ARHGAP31: variants seen among roughly 807,000 people sequenced by gnomAD.
ARHGAP31 encodes rho GTPase-activating protein 31.
Under a neutral mutation model 113.9 loss-of-function variants are expected in ARHGAP31, and 34 were observed. The observed-to-expected ratio is 0.30, with a 90% CI of 0.23 to 0.40. ARHGAP31 has a LOEUF of 0.40. ARHGAP31 is among the 10% of genes least tolerant of loss of function. The pLI, the probability that ARHGAP31 is intolerant of heterozygous loss-of-function variation, is 1.00. For synonymous variants in ARHGAP31, 650 were observed against 684.8 expected (o/e 0.95, Z 0.79); for missense variants, 1,548 against 1,767.1 (o/e 0.88, Z 2.22).
chr3:119,348,067 G>A (rs548138934), intron 1 of ARHGAP31, among the ~76,000 whole-genome samples: 28 of 152,248 alleles, frequency 1.8e-4, no homozygotes, highest in Middle Eastern at 6.8e-3. Flanking sequence ...GGTGACTGGC[G>A]GGCGAGCCAG....
chr3:119,397,869 C>A (rs926038713), intron 8 of ARHGAP31, among the ~76,000 whole-genome samples: 24 of 152,254 alleles, frequency 1.6e-4, no homozygotes, highest in African/African-American at 5.8e-4. Context: ...GCAGCAACAA[C>A]AATCAATAAT....
rs2080391088 is a variant in ARHGAP31, at chr3:119,380,917, A to G, written c.362A>G (p.His121Arg). Residue 121 changes from histidine to arginine, a missense_variant, in exon 4 of 12, where the codon CAT becomes CGT. By Grantham distance (29) the His-to-Arg change is conservative. Transcript: ENST00000264245. ...TCTTCTCCACAGGAGGCAGTGTCGC[A>G]TTGCCCTGAAGAAGGCCAACTGGCC... The part of the protein sequence containing the change: ...LYEKFTEAVS[H>R]CPEEGQLARI... 3.1e-6 allele frequency: 5 copies of G among 1,614,018 alleles called. No homozygotes were observed. The highest frequency in any genetic ancestry group is 4.2e-6 in the Non-Finnish European group (5 of 1,179,992).
At chr3:119,357,567 A>C (rs1178752279) in intron 1 of ARHGAP31, among the ~76,000 whole-genome samples, 1 of 152,250 alleles carries the variant, frequency 6.6e-6, no homozygotes. Context: ...GGAACTAAAG[A>C]GAAAACAGAA....
chr3:119,352,794 AT>A (rs1394851254), intron 1 of ARHGAP31, among the ~76,000 whole-genome samples: 1 of 152,184 alleles, frequency 6.6e-6, no homozygotes, highest in Non-Finnish European at 1.5e-5. Context: ...TTTTAGAAAG[AT>A]TTATCTGGAA....
chr3:119,390,622 C>T (rs1014908698), intron 6 of ARHGAP31, among the ~76,000 whole-genome samples, 163 bp from the exon 7 acceptor site: 11 of 152,204 alleles, frequency 7.2e-5, no homozygotes, highest in South Asian at 2.1e-4. Context: ...CATCAGTTTC[C>T]GGTGTGCAGC....
chr3:119,391,007 T>A, intron 7 of ARHGAP31, 24 bp downstream of exon 7: 1 of 1,610,328 alleles, frequency 6.2e-7, no homozygotes, highest in Non-Finnish European at 8.5e-7. Context: ...TTTTAAAAAA[T>A]TCTAGGAGAT....
At chr3:119,399,369 C>A in intron 9 of ARHGAP31, 108 bp downstream of exon 9, 1 of 956,550 alleles carries the variant, frequency 1.0e-6, no homozygotes, top group Non-Finnish European at 1.7e-6. Context: ...CAGTCACACA[C>A]AACTACCTAG....
intron 9 of ARHGAP31, among the ~76,000 whole-genome samples, chr3:119,401,160 T>G (rs560378618): frequency 0.02 from 2,724 of 135,262 alleles, 69 homozygotes; most frequent in African/African-American, 0.071. Context: ...GACAGAGCTG[T>G]ACTCCATCTC....
Position 119,364,504 on chromosome 3 carries a change from A to T in ARHGAP31, c.101-812A>T, listed in dbSNP as rs1269956117. 1.3e-5 allele frequency among the ~76,000 whole-genome samples: 2 copies of T among 152,192 alleles called. 1 individual carries two copies. Among genetic ancestry groups the T allele is most frequent in the South Asian group, 4.1e-4 (2 of 4,830 alleles). ...CTTAAGTAAATTTGCCTGTGCCTTG[A>T]TGTCCTCATGTTTAGAATAAAGCAG... On this transcript the variant is annotated intron_variant, in intron 1 of 11. Coordinates refer to ENST00000264245, the MANE Select transcript of ARHGAP31 (RefSeq NM_020754.4).
At position 119,294,684 on chromosome 3, in the gene ARHGAP31, C is replaced by T; in HGVS notation, c.-221C>T. On this transcript the variant is annotated 5_prime_UTR_variant, in exon 1 of 12. Coordinates refer to ENST00000264245, the MANE Select transcript of ARHGAP31 (RefSeq NM_020754.4). ...CCGCGGCTGCCAGTCTGCACGGCCTCGGCACGGCGGCCCCGGAGCGGCGCG... is the reference window on the plus strand; with the variant it reads ...CCGCGGCTGCCAGTCTGCACGGCCTTGGCACGGCGGCCCCGGAGCGGCGCG... 1 of 592,140 alleles carries T rather than the reference C, an allele frequency of 1.7e-6. No homozygotes were observed. Among genetic ancestry groups the T allele is most frequent in the Admixed American group, 3.2e-5 (1 of 31,716 alleles). The allele number at this position is 592,140 out of a possible 1,614,324, so 36.7% of individuals were successfully genotyped here. A position where few individuals can be genotyped will look rare whatever the true frequency, so the allele number is the denominator to read the frequency against.
chr3:119,383,242 A>G lies in ARHGAP31; in HGVS notation c.682+16A>G. On this transcript the variant is annotated intron_variant, in intron 6 of 11. Transcript: ENST00000264245. ...GAGAATGATGGTAAGGACTCCTCCT[A>G]GCATACACTCCACCAGCTTATCCTT... is the stretch of plus-strand genomic sequence containing the variant. 1 of 1,613,984 alleles carries G rather than the reference A, an allele frequency of 6.2e-7. No individual in the cohort carries two copies. The highest frequency in any genetic ancestry group is 1.1e-5 in the South Asian group (1 of 91,078).
chr3:119,373,718 C>A (rs1409253696), intron 3 of ARHGAP31, among the ~76,000 whole-genome samples: 1 of 152,080 alleles, frequency 6.6e-6, no homozygotes, highest in Non-Finnish European at 1.5e-5. Flanking sequence ...CCTGCCTCGG[C>A]CTCCCAAAGT....
intron 2 of ARHGAP31, 110 bp from the exon 3 acceptor site, chr3:119,368,255 CAAAAATA>C (rs1162319603): frequency 2.2e-6 from 3 of 1,361,936 alleles, no homozygotes; most frequent in Non-Finnish European, 3.1e-6. Context: ...GAATTAAGGT[CAAAAATA>C]TAGTCAGAAT....
intron 1 of ARHGAP31, among the ~76,000 whole-genome samples, chr3:119,324,347 C>G (rs1185074140): frequency 6.6e-6 from 1 of 152,202 alleles, no homozygotes; most frequent in Non-Finnish European, 1.5e-5. Context: ...TAAGGTTACA[C>G]TTGTCCTTTC....
At chr3:119,401,188 T>G (rs1009680219) in intron 9 of ARHGAP31, among the ~76,000 whole-genome samples, 3 of 132,374 alleles carry the variant, frequency 2.3e-5, no homozygotes, top group African/African-American at 8.5e-5. Context: ...AAAAAAAAAA[T>G]TCACTCCTCA....
At chr3:119,343,943 G>A (rs1210029336) in intron 1 of ARHGAP31, among the ~76,000 whole-genome samples, 3 of 152,208 alleles carry the variant, frequency 2.0e-5, no homozygotes, top group Non-Finnish European at 4.4e-5. Context: ...GGTGTCCCAC[G>A]AGTAGGCCTA....
At chr3:119,394,915 G>A (rs1000199) in intron 8 of ARHGAP31, among the ~76,000 whole-genome samples, 15,314 of 152,208 alleles carry the variant, frequency 0.1, 971 homozygotes, top group Admixed American at 0.16. Context: ...ATGGTTCTTA[G>A]GAGACATATA....
At chr3:119,386,145 A>G (rs1040359405) in intron 6 of ARHGAP31, among the ~76,000 whole-genome samples, 1 of 152,220 alleles carries the variant, frequency 6.6e-6, no homozygotes, top group Non-Finnish European at 1.5e-5. Flanking sequence ...ATAAATTGCC[A>G]TACTTAATAT....
At position 119,415,283 on chromosome 3, in the gene ARHGAP31, C is replaced by G; in HGVS notation, c.3354C>G (p.Leu1118=). ...ACCCTGCCATTCCCATTGCTGACCTCTTCTGGTTTGAGAATGTGGCCTCAT... is the reference window on the plus strand; with the variant it reads ...ACCCTGCCATTCCCATTGCTGACCTGTTCTGGTTTGAGAATGTGGCCTCAT... The part of the protein sequence containing the change: ...NLDPAIPIAD[L]FWFENVASFS... Residue 1118 remains leucine, a synonymous_variant, in exon 12 of 12, where the codon CTC becomes CTG. Transcript: ENST00000264245. 6.2e-7 allele frequency: 1 copy of G among 1,614,246 alleles called. No homozygotes were observed. The highest frequency in any genetic ancestry group is 8.5e-7 in the Non-Finnish European group (1 of 1,180,040).
Sources: allele counts gnomAD v4.1 joint callset (sites outside exome capture counted in the v4.1 genomes callset), GRCh38; gene constraint gnomAD v4.1.1; transcripts MANE v1.5; gene names NCBI Gene and HGNC (gene_info 2026-07-23, HGNC 2026-07-21).